Variants in PSG4 observed in about 807,000 individuals in gnomAD.
PSG4 encodes pregnancy specific beta-1-glycoprotein 4, also known as pregnancy-specific beta-1-glycoprotein 4.
A neutral mutation model predicts 44.3 loss-of-function variants in PSG4; 61 were observed. The observed-to-expected ratio is 1.38, with a 90% CI of 1.12 to 1.70. The LOEUF is 1.70. PSG4 is among the 40% of genes most tolerant of loss of function. The pLI is 0.00. For missense variants in PSG4, 677 were observed against 511.7 expected, an observed-to-expected ratio of 1.32 and a Z score of -3.12; for synonymous variants, 248 against 191.3, an observed-to-expected ratio of 1.30 and a Z score of -2.45.
chr19:43,202,909 C>T (rs941211821), intron 2 of PSG4, among the ~76,000 whole-genome samples: 1 of 144,726 alleles, frequency 6.9e-6, no homozygotes, highest in Non-Finnish European at 1.5e-5. Flanking sequence ...GGGCCTGTGG[C>T]TGCAGACAGA....
Position 43,204,911 on chromosome 19 carries a change from A to G in PSG4, c.64+562T>C. 8.5e-6 allele frequency: 3 copies of G among 354,640 alleles called. 1 individual carries two copies. Among genetic ancestry groups the G allele is most frequent in the Non-Finnish European group, 1.6e-5 (3 of 184,154 alleles). The allele number at this position is 354,640 out of a possible 1,614,324, so 22.0% of individuals were successfully genotyped here. Reference sequence around the variant, plus strand: ...ATTTTCATTTGAAGTGTCATCTGATATAGTTATTGTTATCATTTTTCAAAA... The same window carrying G: ...ATTTTCATTTGAAGTGTCATCTGATGTAGTTATTGTTATCATTTTTCAAAA... On this transcript the variant is annotated intron_variant, in intron 1 of 5. Transcript: ENST00000405312.
intron 2 of PSG4, among the ~76,000 whole-genome samples, chr19:43,200,920 G>A (rs565201934): frequency 2.7e-5 from 4 of 146,106 alleles, no homozygotes; most frequent in South Asian, 2.1e-4. Context: ...GTGTTAGAAC[G>A]GAGTCACAAA....
chr19:43,199,121 C>T (rs1448313470), intron 2 of PSG4, among the ~76,000 whole-genome samples: 1 of 146,212 alleles, frequency 6.8e-6, no homozygotes, highest in East Asian at 2.3e-4. Flanking sequence ...CGAACATGAA[C>T]AGATGATGGA....
In PSG4 at chr19:43,194,485, C is replaced by A. The variant is rs1393232473; in HGVS notation, c.1098G>T (p.Trp366Cys). 3.1e-6 allele frequency: 5 copies of A among 1,612,430 alleles called. No individual in the cohort carries two copies. Among genetic ancestry groups the A allele is most frequent in the Non-Finnish European group, 4.2e-6 (5 of 1,179,144 alleles). The change falls in exon 5 of 6, where the codon TGG becomes TGT. Residue 366 changes from tryptophan to cysteine, a missense_variant. Transcript: ENST00000405312. ...ATAGCTGAAACTTCCCATTAATTGT[C>A]CAAGAATATTGTGCCCGTGGGTTAG... ...AESNPRAQYS[W>C]TINGKFQLSG...
In PSG4 at chr19:43,194,202, T is replaced by G. The variant is rs1323956612; in HGVS notation, c.1243+138A>C. 5 of 1,560,776 alleles carry G rather than the reference T, an allele frequency of 3.2e-6. 1 individual carries two copies. The highest frequency in any genetic ancestry group is 1.2e-5 in the South Asian group (1 of 80,680). On this transcript the variant is annotated intron_variant, in intron 5 of 5. Transcript: ENST00000405312. ...TGGAAGTTCTTAGACAAATTGGGAG[T>G]GTTCAGGAGTAGAATTTGGGATTTG...
chr19:43,203,841 TG>T lies in PSG4; in HGVS notation c.430+44del. On this transcript the variant is annotated intron_variant, in intron 2 of 5. Transcript: ENST00000405312. ...GAATCCTGTGTGTGTGAAGTAGAAG[TG>T]ACCCCTGTCCCCCAACACCCAGGGA... 2 of 1,566,698 alleles carry T rather than the reference TG, an allele frequency of 1.3e-6. 1 individual carries two copies. Among genetic ancestry groups the T allele is most frequent in the Non-Finnish European group, 1.7e-6 (2 of 1,161,296 alleles).
rs749665117 is a variant in PSG4 at position 43,194,321 on chromosome 19, G to C, written c.1243+19C>G. Reference sequence around the variant, plus strand: ...CTCCACCTAAATCCCTATTGCCAAGGATGCTGGGATCCACTTACCAGAGAC... The same window carrying C: ...CTCCACCTAAATCCCTATTGCCAAGCATGCTGGGATCCACTTACCAGAGAC... On this transcript the variant is annotated intron_variant, in intron 5 of 5. Coordinates refer to ENST00000405312, the MANE Select transcript of PSG4 (RefSeq NM_002780.5). 5 of 1,612,082 alleles carry C rather than the reference G, an allele frequency of 3.1e-6. No homozygotes were observed. Among genetic ancestry groups the C allele is most frequent in the Non-Finnish European group, 4.2e-6 (5 of 1,178,990 alleles).
chr19:43,201,162 A>T (rs1967493287), intron 2 of PSG4, among the ~76,000 whole-genome samples: 1 of 145,762 alleles, frequency 6.9e-6, no homozygotes, highest in South Asian at 2.2e-4. Flanking sequence ...ATCTAGTCTC[A>T]GGCTGGCTGT....
intron 1 of PSG4, 34 bp downstream of exon 1, chr19:43,205,439 C>T (rs761214553): frequency 2.0e-6 from 3 of 1,510,484 alleles, no homozygotes; most frequent in South Asian, 1.1e-5. Context: ...TCTGCTTCCT[C>T]CTCCTGTCCT....
chr19:43,202,455 C>G (rs1200766159), intron 2 of PSG4, among the ~76,000 whole-genome samples: 1 of 144,588 alleles, frequency 6.9e-6, no homozygotes, highest in African/African-American at 2.7e-5. Flanking sequence ...GTGGCTAGAA[C>G]CTCCTATGAT....
At chr19:43,202,854 G>T (rs1293308794) in intron 2 of PSG4, among the ~76,000 whole-genome samples, 1 of 144,602 alleles carries the variant, frequency 6.9e-6, no homozygotes, top group Admixed American at 6.9e-5. Flanking sequence ...TGACTATGGG[G>T]TGCTTGGAAC....
intron 3 of PSG4, 150 bp from the exon 4 acceptor site, chr19:43,195,423 T>G: frequency 1.5e-6 from 2 of 1,379,204 alleles, no homozygotes; most frequent in East Asian, 4.6e-5. Context: ...GATAGATGCA[T>G]GATGATCTAA....
At position 43,203,947 on chromosome 19, in the gene PSG4, G is replaced by T; in HGVS notation, c.369C>A (p.His123Gln). 1.3e-6 allele frequency: 2 copies of T among 1,587,170 alleles called. No individual in the cohort carries two copies. The highest frequency in any genetic ancestry group is 1.7e-4 in the Middle Eastern group (1 of 5,966). Residue 123 changes from histidine (H) to glutamine (Q), a missense_variant, in exon 2 of 6, where the codon CAC becomes CAA. Coordinates refer to ENST00000405312, the MANE Select transcript of PSG4 (RefSeq NM_002780.5). Reference protein sequence around the residue: ...TQEDAGSYTLHIIKRRDGTGG... With the variant: ...TQEDAGSYTLQIIKRRDGTGG... ...CAGTCCCATCGCGTCGCTTTATGAT[G>T]TGTAAGGTGTAGGATCCTGCATCCT...
chr19:43,203,934 G>A lies in PSG4; in HGVS notation c.382C>T (p.Arg128Cys), dbSNP rs148806470. The change falls in exon 2 of 6, where the codon CGC (arginine) becomes TGC (cysteine). Residue 128 changes from arginine to cysteine, a missense_variant. Coordinates refer to ENST00000405312, the MANE Select transcript of PSG4 (RefSeq NM_002780.5). ...CCAGTTACTCCTCCAGTCCCATCGC[G>A]TCGCTTTATGATGTGTAAGGTGTAG... Reference protein sequence around the residue: ...GSYTLHIIKRRDGTGGVTGHF... With the variant: ...GSYTLHIIKRCDGTGGVTGHF... 3.2e-5 allele frequency: 51 copies of A among 1,585,658 alleles called. 1 individual carries two copies. The highest frequency in any genetic ancestry group is 1.7e-4 in the Middle Eastern group (1 of 5,982).
chr19:43,205,325 TC>T (rs886069643), intron 1 of PSG4, 147 bp downstream of exon 1: 30 of 1,024,682 alleles, frequency 2.9e-5, no homozygotes, highest in Middle Eastern at 6.5e-4. Context: ...GCCAGACTGA[TC>T]TTGAACTCCT....
intron 1 of PSG4, among the ~76,000 whole-genome samples, chr19:43,205,118 T>TTTTTTTTTTTC (rs1967719497): frequency 8.4e-6 from 1 of 118,770 alleles, no homozygotes; most frequent in African/African-American, 3.6e-5. Flanking sequence ...TTTCTTTTTT[T>TTTTTTTTTTTC]TTTTTTTGAG....
At chr19:43,195,763 T>C (rs4239518) in intron 3 of PSG4, among the ~76,000 whole-genome samples, 103,266 of 149,646 alleles carry the variant, frequency 0.69, 36,685 homozygotes, top group East Asian at 0.93. Context: ...TACTGAGCAG[T>C]CTGGCCTGGG....
At chr19:43,194,248 G>T in intron 5 of PSG4, 92 bp downstream of exon 5, 1 of 1,603,352 alleles carries the variant, frequency 6.2e-7, no homozygotes, top group Non-Finnish European at 8.5e-7. Flanking sequence ...TGGGACACAG[G>T]CTGGGAATAA....
At position 43,204,248 on chromosome 19, in the gene PSG4, G is replaced by T; in HGVS notation, c.68C>A (p.Ser23Ter). ...ITWKGVLLTA[S>*]LLNFWNPPTT... ...GGGCGGATTCCAGAAGTTTAAAAGT[G>T]ATGCTAGGAGGTACAGAGAGCATCA... is the stretch of plus-strand genomic sequence containing the variant. Residue 23 changes from serine to a stop codon, truncating the protein, a stop_gained, in exon 2 of 6, where the codon TCA becomes TAA. Coordinates refer to ENST00000405312, the MANE Select transcript of PSG4 (RefSeq NM_002780.5). LOFTEE classifies it high-confidence loss of function. The T allele has an allele frequency of 6.4e-7, 1 of 1,572,132 alleles. No individual in the cohort carries two copies. Among genetic ancestry groups the T allele is most frequent in the Non-Finnish European group, 8.6e-7 (1 of 1,163,466 alleles).
Sources: allele counts gnomAD v4.1 joint callset (sites outside exome capture counted in the v4.1 genomes callset), GRCh38; gene constraint gnomAD v4.1.1; transcripts MANE v1.5; gene names NCBI Gene and HGNC (gene_info 2026-07-23, HGNC 2026-07-21).